The following CAB39 variants were observed in gnomAD, a reference collection of about 807,000 sequenced individuals.
CAB39 encodes calcium-binding protein 39.
In CAB39, 8 loss-of-function variants were observed where a neutral mutation model predicts 40.0. That is an observed-to-expected ratio of 0.20 (90% confidence interval 0.12 to 0.36). CAB39 has a LOEUF of 0.36. CAB39 is among the 10% of genes least tolerant of loss of function. The probability of loss-of-function intolerance (pLI) is 1.00; values close to 1 mark genes in which losing one functional copy is unlikely to be tolerated. For synonymous variants in CAB39, 156 were observed against 141.6 expected, an observed-to-expected ratio of 1.10 and a Z score of -0.72; for missense variants, 270 against 401.1, an observed-to-expected ratio of 0.67 and a Z score of 2.79.
chr2:230,728,227 G>C (rs1694622711), intron 1 of CAB39, among the ~76,000 whole-genome samples: 1 of 150,790 alleles, frequency 6.6e-6, no homozygotes, highest in Non-Finnish European at 1.5e-5. Flanking sequence ...GATAGAGTGA[G>C]ACTCCGTCTC....
At chr2:230,767,368 C>T (rs368685124) in intron 2 of CAB39, among the ~76,000 whole-genome samples, 1 of 152,204 alleles carries the variant, frequency 6.6e-6, no homozygotes, top group African/African-American at 2.4e-5. Context: ...CCCCATTTTC[C>T]TTGTTCCCAC....
intron 1 of CAB39, among the ~76,000 whole-genome samples, chr2:230,750,232 G>T (rs1240606562): frequency 2.0e-5 from 3 of 152,204 alleles, no homozygotes; most frequent in African/African-American, 7.2e-5. Context: ...TCTTTAAGAG[G>T]TGATTAGGTC....
Position 230,820,355 on chromosome 2 carries a change from A to T in CAB39, c.*1651A>T, listed in dbSNP as rs1250356314. 1 of 152,224 alleles carries T rather than the reference A, an allele frequency of 6.6e-6. No individual in the cohort carries two copies. The highest frequency in any genetic ancestry group is 1.5e-5 in the Non-Finnish European group (1 of 68,036). 9.4% of individuals were successfully genotyped at this position (152,224 alleles called of 1,614,324 possible). A position where few individuals can be genotyped will look rare whatever the true frequency, so the allele number is the denominator to read the frequency against. On this transcript the variant is annotated 3_prime_UTR_variant, in exon 9 of 9. Coordinates refer to ENST00000258418, the MANE Select transcript of CAB39 (RefSeq NM_016289.4). ...AAACCTTCAGGAACACCAGTTAGGAAAATAGCTCCAGAAAATATAGATATA... is the reference window on the plus strand; with the variant it reads ...AAACCTTCAGGAACACCAGTTAGGATAATAGCTCCAGAAAATATAGATATA...
intron 2 of CAB39, among the ~76,000 whole-genome samples, chr2:230,773,985 A>G (rs952489541): frequency 5.9e-5 from 9 of 152,208 alleles, no homozygotes; most frequent in Non-Finnish European, 1.2e-4. Flanking sequence ...ACATATCCTT[A>G]CATCGATATA....
intron 6 of CAB39, among the ~76,000 whole-genome samples, chr2:230,811,647 C>T (rs1696308377): frequency 6.6e-6 from 1 of 152,176 alleles, no homozygotes; most frequent in Non-Finnish European, 1.5e-5. Flanking sequence ...GGATCTTCCA[C>T]CCTGAAGAAA....
intron 2 of CAB39, among the ~76,000 whole-genome samples, chr2:230,762,488 C>G (rs1299592533): frequency 6.6e-6 from 1 of 152,176 alleles, no homozygotes; most frequent in African/African-American, 2.4e-5. Flanking sequence ...AGCTAACAGC[C>G]AGCAAAGAGC....
chr2:230,764,673 C>T (rs983488466), intron 2 of CAB39, among the ~76,000 whole-genome samples: 2 of 152,192 alleles, frequency 1.3e-5, no homozygotes, highest in African/African-American at 4.8e-5. Flanking sequence ...GATTTGGCAA[C>T]AAATATAGTT....
chr2:230,781,054 C>T (rs909818395), intron 2 of CAB39, among the ~76,000 whole-genome samples: 1 of 150,438 alleles, frequency 6.6e-6, no homozygotes, highest in Non-Finnish European at 1.5e-5. Flanking sequence ...GGCATTCCAC[C>T]TGGGCAACAG....
At chr2:230,813,073 A>G (rs1037779255) in intron 6 of CAB39, among the ~76,000 whole-genome samples, 1 of 152,208 alleles carries the variant, frequency 6.6e-6, no homozygotes, top group African/African-American at 2.4e-5. Flanking sequence ...GCGATGACCA[A>G]AGGAAAGTCT....
rs970149974 is a variant in CAB39, at chr2:230,766,376, G to A, written c.114+6261G>A. 2.0e-5 allele frequency among the ~76,000 whole-genome samples: 3 copies of A among 152,268 alleles called. No individual in the cohort carries two copies. In the East Asian group the frequency reaches 5.8e-4, roughly 29 times the overall value. On this transcript the variant is annotated intron_variant, in intron 2 of 8. Transcript: ENST00000258418. Reference sequence around the variant, plus strand: ...TGGGAAAAATGAGAGTTTATTAGGAGAGAGAGAGACTAGGAAGTACTACAG... The same window carrying A: ...TGGGAAAAATGAGAGTTTATTAGGAAAGAGAGAGACTAGGAAGTACTACAG...
chr2:230,718,495 G>C (rs1323190249), intron 1 of CAB39, among the ~76,000 whole-genome samples: 1 of 152,184 alleles, frequency 6.6e-6, no homozygotes, highest in Non-Finnish European at 1.5e-5. Context: ...TAAAAGCGCA[G>C]GTGCAGCCAG....
chr2:230,741,623 C>T (rs902716780), intron 1 of CAB39, among the ~76,000 whole-genome samples: 1 of 152,112 alleles, frequency 6.6e-6, no homozygotes, highest in Non-Finnish European at 1.5e-5. Context: ...TTACAGGCAC[C>T]CATGCCCAAC....
intron 6 of CAB39, 71 bp from the exon 7 acceptor site, chr2:230,813,978 C>CTTTTTTTTTGTTTTTTTTTTT: frequency 9.0e-6 from 1 of 111,338 alleles, no homozygotes; most frequent in Non-Finnish European, 1.5e-5. Flanking sequence ...ACCTACCAGT[C>CTTTTTTTTTGTTTTTTTTTTT]TTTTTTTTTT....
At chr2:230,781,745 A>C (rs775721530) in intron 2 of CAB39, among the ~76,000 whole-genome samples, 1 of 152,234 alleles carries the variant, frequency 6.6e-6, no homozygotes, top group Non-Finnish European at 1.5e-5. Flanking sequence ...AGGGCAGAGA[A>C]TATATTGACA....
chr2:230,733,678 T>TA (rs1425554250), intron 1 of CAB39, among the ~76,000 whole-genome samples: 2 of 152,316 alleles, frequency 1.3e-5, no homozygotes, highest in East Asian at 3.9e-4. Context: ...CTTATAACTC[T>TA]AAAAAAGGAC....
At chr2:230,764,700 G>A (rs941821100) in intron 2 of CAB39, among the ~76,000 whole-genome samples, 1 of 152,202 alleles carries the variant, frequency 6.6e-6, no homozygotes, top group African/African-American at 2.4e-5. Flanking sequence ...TTTCCTTGAA[G>A]TGACAGGTTC....
chr2:230,718,730 C>T (rs762640912), intron 1 of CAB39, among the ~76,000 whole-genome samples: 105 of 152,144 alleles, frequency 6.9e-4, no homozygotes, highest in Non-Finnish European at 1.4e-3. Flanking sequence ...AACTTTAGAA[C>T]TTCAGAAACA....
chr2:230,797,642 G>A (rs1238642702), intron 4 of CAB39, among the ~76,000 whole-genome samples: 1 of 152,092 alleles, frequency 6.6e-6, no homozygotes, highest in African/African-American at 2.4e-5. Flanking sequence ...TAATTCAGGA[G>A]TAGACATGGA....
intron 1 of CAB39, among the ~76,000 whole-genome samples, chr2:230,742,715 A>G (rs181771921): frequency 1.3e-5 from 2 of 152,328 alleles, no homozygotes; most frequent in East Asian, 1.9e-4. Flanking sequence ...AAGTATGTTC[A>G]TTGTCATTAA....
Sources: gnomAD v4.1 joint callset for allele counts (sites outside exome capture counted in the v4.1 genomes callset) on GRCh38, gnomAD v4.1.1 for gene constraint, MANE v1.5 for transcripts, NCBI Gene and HGNC (gene_info 2026-07-23, HGNC 2026-07-21) for gene names.